KCNIP4: variants seen among roughly 807,000 people sequenced by gnomAD.
KCNIP4 encodes potassium voltage-gated channel interacting protein 4, also known as Kv channel-interacting protein 4.
Under a neutral mutation model 34.0 loss-of-function variants are expected in KCNIP4, and 12 were observed. The observed-to-expected ratio is 0.35, with a 90% CI of 0.23 to 0.57. The LOEUF is 0.57. Ranked by LOEUF, KCNIP4 falls within the 20% of genes least tolerant of loss-of-function variation. The pLI, the probability that KCNIP4 is intolerant of heterozygous loss-of-function variation, is 0.83. For missense variants in KCNIP4, 238 were observed against 311.7 expected (o/e 0.76, Z 1.78); for synonymous variants, 124 against 102.2 (o/e 1.21, Z -1.29).
chr4:21,823,868 A>AC (rs1722518857), intron 1 of KCNIP4, among the ~76,000 whole-genome samples: 1 of 152,068 alleles, frequency 6.6e-6, no homozygotes, highest in Admixed American at 6.5e-5. Context: ...CTGTATAAAC[A>AC]CCCCTCTACA....
chr4:21,578,065 G>T lies in KCNIP4; in HGVS notation c.61+370506C>A, dbSNP rs556381718. On this transcript the variant is annotated intron_variant, in intron 1 of 8. Coordinates refer to ENST00000382152, the MANE Select transcript of KCNIP4 (RefSeq NM_025221.6). ...TTATTAAGAGTTCAGGCCGGGCGCG[G>T]TGGCTCACGCCTGTAATCCCAGCAG... 5.9e-5 allele frequency among the ~76,000 whole-genome samples: 9 copies of T among 151,658 alleles called. No homozygotes were observed. In the East Asian group the frequency reaches 1.8e-3, roughly 30 times the overall value.
intron 1 of KCNIP4, among the ~76,000 whole-genome samples, chr4:21,878,837 G>A (rs1003935577): frequency 2.0e-5 from 3 of 152,178 alleles, no homozygotes; most frequent in African/African-American, 7.2e-5. Context: ...GACAGTGGAT[G>A]TTATTAGAAT....
chr4:21,216,814 G>T (rs1757616742), intron 1 of KCNIP4, among the ~76,000 whole-genome samples: 1 of 152,002 alleles, frequency 6.6e-6, no homozygotes, highest in Non-Finnish European at 1.5e-5. Context: ...ATTTAAGATA[G>T]AAAAATCCAT....
intron 1 of KCNIP4, among the ~76,000 whole-genome samples, chr4:21,663,463 C>T (rs551981920): frequency 2.2e-4 from 33 of 152,212 alleles, no homozygotes; most frequent in Admixed American, 1.8e-3. Context: ...TGCAGATGCT[C>T]CCTGGCTGCT....
intron 1 of KCNIP4, among the ~76,000 whole-genome samples, chr4:20,939,659 A>G (rs758424499): frequency 6.6e-6 from 1 of 152,108 alleles, no homozygotes; most frequent in African/African-American, 2.4e-5. Context: ...GGTATGAGCC[A>G]CCACGCCTGG....
intron 1 of KCNIP4, among the ~76,000 whole-genome samples, chr4:21,698,444 T>C (rs1712573212): frequency 6.6e-6 from 1 of 152,146 alleles, no homozygotes; most frequent in Non-Finnish European, 1.5e-5. Context: ...ACCAATCAAC[T>C]TTTTTAAAGT....
intron 1 of KCNIP4, among the ~76,000 whole-genome samples, chr4:21,380,951 C>A (rs1222604830): frequency 6.6e-6 from 1 of 152,082 alleles, no homozygotes; most frequent in Non-Finnish European, 1.5e-5. Flanking sequence ...CAGCACAGCA[C>A]CATTAGCTCT....
intron 1 of KCNIP4, among the ~76,000 whole-genome samples, chr4:21,291,861 A>AG (rs1560259458): frequency 8.4e-6 from 1 of 118,934 alleles, no homozygotes; most frequent in African/African-American, 3.8e-5. Flanking sequence ...CTCAAAAAAA[A>AG]AAAAAAAAAG....
chr4:21,433,951 G>T (rs1480572674), intron 1 of KCNIP4, among the ~76,000 whole-genome samples: 3 of 152,160 alleles, frequency 2.0e-5, no homozygotes, highest in African/African-American at 4.8e-5. Flanking sequence ...ATTTAAATAT[G>T]TGTTTTGTTT....
chr4:21,406,023 C>CG (rs923520469), intron 1 of KCNIP4, among the ~76,000 whole-genome samples: 11 of 152,038 alleles, frequency 7.2e-5, no homozygotes, highest in African/African-American at 2.4e-4. Context: ...TTAGTAGAGA[C>CG]GGGGTTTCTC....
intron 1 of KCNIP4, among the ~76,000 whole-genome samples, chr4:21,866,091 G>A (rs1378756909): frequency 1.3e-5 from 2 of 152,088 alleles, no homozygotes; most frequent in African/African-American, 2.4e-5. Context: ...CGGCTGCACT[G>A]TGGATTTAAA....
rs75461120 is a variant in KCNIP4, at chr4:20,849,015, C to A, written c.288+1528G>T. ...AGTGGTCAATACCACTGTTTCATTG[C>A]AAATACCTGCTGTCTCTGAAGCCTG... On this transcript the variant is annotated intron_variant, in intron 3 of 8. Transcript: ENST00000382152. Among the ~76,000 whole-genome samples, 64 of 152,254 alleles carry A rather than the reference C, an allele frequency of 4.2e-4. No homozygotes were observed. In the East Asian group the frequency reaches 9.7e-3, roughly 23 times the overall value.
chr4:20,751,828 C>T (rs185925301), intron 4 of KCNIP4, among the ~76,000 whole-genome samples: 1 of 152,256 alleles, frequency 6.6e-6, no homozygotes, highest in Non-Finnish European at 1.5e-5. Context: ...ACATCCTGTT[C>T]TTCTAAATGT....
chr4:21,191,891 A>G (rs1299172068), intron 1 of KCNIP4, among the ~76,000 whole-genome samples: 1 of 152,158 alleles, frequency 6.6e-6, no homozygotes, highest in Non-Finnish European at 1.5e-5. Context: ...TGTTTGTGTT[A>G]GTATTTTGAT....
chr4:21,851,595 C>G (rs940491645), intron 1 of KCNIP4: 1 of 152,114 alleles, frequency 6.6e-6, no homozygotes, highest in South Asian at 2.1e-4. Flanking sequence ...AATACAAACA[C>G]GGGCTTGTGT....
chr4:21,744,881 A>C (rs755859978), intron 1 of KCNIP4, among the ~76,000 whole-genome samples: 3 of 152,224 alleles, frequency 2.0e-5, no homozygotes, highest in Non-Finnish European at 4.4e-5. Flanking sequence ...TCTTTATTTA[A>C]AGTAGTTTGC....
Position 21,870,532 on chromosome 4 carries a change from G to A in KCNIP4, c.61+78039C>T, listed in dbSNP as rs116107117. Among the ~76,000 whole-genome samples the A allele has an allele frequency of 4.5e-3, 690 of 152,294 alleles. 9 individuals are homozygous for A. The highest frequency in any genetic ancestry group is 0.016 in the African/African-American group (664 of 41,558). ...TAGATGCTAAGCAAATGCTCCAACT[G>A]CAGGTCTGCTTTTGCATACTTGACC... On this transcript the variant is annotated intron_variant, in intron 1 of 8. Transcript: ENST00000382152.
intron 1 of KCNIP4, among the ~76,000 whole-genome samples, chr4:21,025,125 A>C (rs1740403911): frequency 6.6e-6 from 1 of 152,190 alleles, no homozygotes; most frequent in Non-Finnish European, 1.5e-5. Context: ...GAAAAATGTA[A>C]GATTTTACAT....
intron 1 of KCNIP4, among the ~76,000 whole-genome samples, chr4:21,390,699 A>G (rs1276195911): frequency 1.3e-5 from 2 of 152,146 alleles, no homozygotes. Context: ...TGTTTTGGTT[A>G]CTATAGCCTT....
Sources: gnomAD v4.1 joint callset for allele counts (sites outside exome capture counted in the v4.1 genomes callset) on GRCh38, gnomAD v4.1.1 for gene constraint, MANE v1.5 for transcripts, NCBI Gene and HGNC (gene_info 2026-07-23, HGNC 2026-07-21) for gene names.